The following CHST8 variants were observed in gnomAD, a reference collection of about 807,000 sequenced individuals.
The protein encoded by CHST8 is GALNAC-4-ST1.
CHST8 carries 10 observed loss-of-function variants against 15.0 expected under a neutral mutation model. The observed-to-expected ratio is 0.67, with a 90% CI of 0.41 to 1.13. CHST8 has a LOEUF of 1.13. Ranked by LOEUF, CHST8 falls within the 50% of genes most tolerant of loss-of-function variation. The probability of loss-of-function intolerance (pLI) is 0.00; values close to 1 mark genes in which losing one functional copy is unlikely to be tolerated. For missense variants in CHST8, 634 were observed against 608.2 expected, an observed-to-expected ratio of 1.04 and a Z score of -0.45; for synonymous variants, 259 against 256.6, an observed-to-expected ratio of 1.01 and a Z score of -0.09.
At chr19:33,766,713 T>G (rs1974854443) in intron 3 of CHST8, among the ~76,000 whole-genome samples, 1 of 152,190 alleles carries the variant, frequency 6.6e-6, no homozygotes, top group South Asian at 2.1e-4. Flanking sequence ...GGACCTTGCC[T>G]TCAGGGAACT....
chr19:33,695,821 C>CTTTTTTTTTTTTTTTTTTTTTTTTTTT (rs55695414), intron 3 of CHST8, among the ~76,000 whole-genome samples: 4 of 76,232 alleles, frequency 5.2e-5, no homozygotes, highest in African/African-American at 6.2e-5. Context: ...TTCTTTCTTT[C>CTTTTTTTTTTTTTTTTTTTTTTTTTTT]TTTTTTTTTT....
chr19:33,713,328 C>A (rs1488999103), intron 3 of CHST8, among the ~76,000 whole-genome samples: 1 of 152,068 alleles, frequency 6.6e-6, no homozygotes, highest in Non-Finnish European at 1.5e-5. Context: ...CCTGGTAGGC[C>A]ACCATCACCT....
rs3073708 is a variant in CHST8, at chr19:33,765,555, CAGAG to C, written c.131-5832_131-5829del. ...TGTGTGTGTGTGTGTGTGTGTGTGT[CAGAG>C]AGAGAGAGAGAGAGAGAGAGAGAGA... On this transcript the variant is annotated intron_variant, in intron 3 of 4. Transcript: ENST00000650847. 7.0e-3 allele frequency among the ~76,000 whole-genome samples: 878 copies of C among 125,736 alleles called. 6 individuals carry two copies. Among genetic ancestry groups the C allele is most frequent in the Non-Finnish European group, 9.3e-3 (553 of 59,394 alleles). The allele number at this position is 125,736 out of a possible 152,430, so 82.5% of individuals were successfully genotyped here.
chr19:33,666,110 A>G (rs984220084), intron 1 of CHST8, among the ~76,000 whole-genome samples: 1 of 152,254 alleles, frequency 6.6e-6, no homozygotes, highest in African/African-American at 2.4e-5. Flanking sequence ...GGAAAGGCCC[A>G]TTAGTGCCTG....
At chr19:33,674,483 G>T in intron 2 of CHST8, among the ~76,000 whole-genome samples, 2 of 152,322 alleles carry the variant, frequency 1.3e-5, no homozygotes, top group South Asian at 4.1e-4. Context: ...GGAAAAGGAC[G>T]ATTGCATGCA....
intron 3 of CHST8, among the ~76,000 whole-genome samples, chr19:33,735,688 G>A (rs143235360): frequency 3.9e-4 from 59 of 152,298 alleles, no homozygotes; most frequent in African/African-American, 1.3e-3. Flanking sequence ...TTAGCCGGGC[G>A]TGCTGGTGCA....
chr19:33,662,596 C>A (rs552877845), intron 1 of CHST8, among the ~76,000 whole-genome samples: 1 of 152,062 alleles, frequency 6.6e-6, no homozygotes, highest in Non-Finnish European at 1.5e-5. Flanking sequence ...CCCAGCGTTA[C>A]GCATTGACCA....
intron 3 of CHST8, among the ~76,000 whole-genome samples, chr19:33,745,761 C>T (rs2145348123): frequency 6.6e-6 from 1 of 152,380 alleles, no homozygotes; most frequent in African/African-American, 2.4e-5. Context: ...TGCCTTTATA[C>T]CACACATCAA....
intron 1 of CHST8, among the ~76,000 whole-genome samples, chr19:33,659,677 G>A (rs563171949): frequency 2.6e-5 from 4 of 152,120 alleles, no homozygotes; most frequent in South Asian, 2.1e-4. Flanking sequence ...AGGAAAGGTG[G>A]CTTGTGCCTG....
chr19:33,724,015 C>T (rs1450528281), intron 3 of CHST8, among the ~76,000 whole-genome samples: 1 of 152,162 alleles, frequency 6.6e-6, no homozygotes, highest in Non-Finnish European at 1.5e-5. Flanking sequence ...TGGACAGAAA[C>T]TGAGTGTGGG....
chr19:33,698,049 G>A (rs1456205431), intron 3 of CHST8, among the ~76,000 whole-genome samples: 3 of 152,126 alleles, frequency 2.0e-5, no homozygotes, highest in East Asian at 1.9e-4. Flanking sequence ...AGGCTGAGGC[G>A]GTGGATCACC....
intron 1 of CHST8, among the ~76,000 whole-genome samples, chr19:33,642,597 A>G (rs927871932): frequency 2.0e-5 from 3 of 152,112 alleles, no homozygotes; most frequent in Non-Finnish European, 4.4e-5. Context: ...TCCTGACCTC[A>G]AGTGATCTGC....
chr19:33,767,036 A>T (rs1974861323), intron 3 of CHST8, among the ~76,000 whole-genome samples: 1 of 151,460 alleles, frequency 6.6e-6, no homozygotes. Context: ...TGCAGATTTG[A>T]CTCTTTAAGG....
chr19:33,636,523 C>T (rs1268817769), intron 1 of CHST8, among the ~76,000 whole-genome samples: 1 of 152,054 alleles, frequency 6.6e-6, no homozygotes, highest in African/African-American at 2.4e-5. Context: ...AAAGGGGTCC[C>T]GATCCAGACC....
At chr19:33,750,343 C>A (rs564560094) in intron 3 of CHST8, among the ~76,000 whole-genome samples, 1 of 152,176 alleles carries the variant, frequency 6.6e-6, no homozygotes, top group South Asian at 2.1e-4. Flanking sequence ...CATAGGCACA[C>A]GCTGGGACAG....
Position 33,742,743 on chromosome 19 carries a change from T to C in CHST8, c.131-28670T>C, listed in dbSNP as rs548235460. Among the ~76,000 whole-genome samples the C allele has an allele frequency of 5.5e-4, 84 of 152,300 alleles. 1 individual carries two copies. Among genetic ancestry groups the C allele is most frequent in the Admixed American group, 5.4e-3 (82 of 15,308 alleles). Reference sequence around the variant, plus strand: ...TATCGGCTTGTCGACCACCTGACTTTCTTGTTTTTTGGGATGCCATGTTTT... The same window carrying C: ...TATCGGCTTGTCGACCACCTGACTTCCTTGTTTTTTGGGATGCCATGTTTT... On this transcript the variant is annotated intron_variant, in intron 3 of 4. Transcript: ENST00000650847.
At chr19:33,723,192 T>C (rs1318001445) in intron 3 of CHST8, among the ~76,000 whole-genome samples, 1 of 152,242 alleles carries the variant, frequency 6.6e-6, no homozygotes, top group Non-Finnish European at 1.5e-5. Flanking sequence ...TGTGCGTGCA[T>C]GCCTGGAGGC....
rs535216763 is a variant in CHST8 at position 33,633,679 on chromosome 19, T to C, written c.-164+11383T>C. On this transcript the variant is annotated intron_variant, in intron 1 of 4. Coordinates refer to ENST00000650847, the MANE Select transcript of CHST8 (RefSeq NM_001127895.2). ...TCCCAAAGTGTTGGGATTACAGGTG[T>C]GTGTCATCATGTCCAGTTCCTGCAC... Among the ~76,000 whole-genome samples, 46 of 152,042 alleles carry C rather than the reference T, an allele frequency of 3.0e-4. 1 individual carries two copies. The South Asian group carries it at 9.6e-3, about 32-fold the overall frequency.
intron 3 of CHST8, among the ~76,000 whole-genome samples, chr19:33,722,901 G>A (rs1973826489): frequency 6.6e-6 from 1 of 152,236 alleles, no homozygotes; most frequent in Non-Finnish European, 1.5e-5. Context: ...TTTGCCAGGA[G>A]CAAGGGTAAG....
Sources: allele counts gnomAD v4.1 joint callset (sites outside exome capture counted in the v4.1 genomes callset), GRCh38; gene constraint gnomAD v4.1.1; transcripts MANE v1.5; gene names NCBI Gene and HGNC (gene_info 2026-07-23, HGNC 2026-07-21).